The following NMNAT2 variants were observed in gnomAD, a reference collection of about 807,000 sequenced individuals.
NMNAT2 encodes nicotinamide/nicotinic acid mononucleotide adenylyltransferase 2.
NMNAT2 carries 11 observed loss-of-function variants against 41.6 expected under a neutral mutation model. That is an observed-to-expected ratio of 0.26 (90% CI 0.17 to 0.44). The LOEUF (loss-of-function observed/expected upper bound fraction) is 0.44, where lower values mean the gene tolerates loss of function less well. Among genes scored for constraint, NMNAT2 ranks in the 20% least tolerant of loss-of-function variants. The probability of loss-of-function intolerance (pLI) is 1.00; values close to 1 mark genes in which losing one functional copy is unlikely to be tolerated. For missense variants in NMNAT2, 288 were observed against 407.7 expected, an observed-to-expected ratio of 0.71 and a Z score of 2.53; for synonymous variants, 148 against 151.2, an observed-to-expected ratio of 0.98 and a Z score of 0.16.
chr1:183,370,986 C>G (rs1177470583), intron 1 of NMNAT2, among the ~76,000 whole-genome samples: 1 of 152,088 alleles, frequency 6.6e-6, no homozygotes, highest in Non-Finnish European at 1.5e-5. Context: ...GGTGCCTGAC[C>G]ACGGTGCGCC....
intron 1 of NMNAT2, among the ~76,000 whole-genome samples, chr1:183,353,701 A>T (rs2102353983): frequency 6.6e-6 from 1 of 152,296 alleles, no homozygotes; most frequent in South Asian, 2.1e-4. Flanking sequence ...TCAAAGTAGC[A>T]GTTGACTCAC....
At chr1:183,316,716 G>T (rs957054568) in intron 1 of NMNAT2, among the ~76,000 whole-genome samples, 11 of 152,210 alleles carry the variant, frequency 7.2e-5, no homozygotes, top group African/African-American at 2.7e-4. Context: ...CCTTACCAGG[G>T]CTCCTTCTAT....
At chr1:183,381,333 A>G (rs1222241597) in intron 1 of NMNAT2, among the ~76,000 whole-genome samples, 1 of 152,216 alleles carries the variant, frequency 6.6e-6, no homozygotes, top group Non-Finnish European at 1.5e-5. Flanking sequence ...CTCCCTTTCC[A>G]GTCAGTCCCT....
Position 183,418,262 on chromosome 1 carries a change from G to C in NMNAT2, c.6C>G (p.Thr2=), listed in dbSNP as rs763844654. 1.9e-6 allele frequency: 3 copies of C among 1,614,042 alleles called. No homozygotes were observed. The highest frequency in any genetic ancestry group is 2.2e-5 in the East Asian group (1 of 44,876). ...AGATAACGTGGGTCTTGGTGGTCTCGGTCATGGTGCAGATGGGTCCTTCGC... is the reference window on the plus strand; with the variant it reads ...AGATAACGTGGGTCTTGGTGGTCTCCGTCATGGTGCAGATGGGTCCTTCGC... M[T]ETTKTHVILL... Residue 2 remains threonine (T), a synonymous_variant, in exon 1 of 11, where the codon ACC becomes ACG. Transcript: ENST00000287713.
chr1:183,255,443 G>C (rs1660490968), intron 10 of NMNAT2, among the ~76,000 whole-genome samples: 1 of 151,916 alleles, frequency 6.6e-6, no homozygotes, highest in African/African-American at 2.4e-5. Context: ...TTCTATTTCT[G>C]TGAAGTATGA....
At chr1:183,364,419 C>G (rs554395) in intron 1 of NMNAT2, among the ~76,000 whole-genome samples, 82,961 of 151,994 alleles carry the variant, frequency 0.55, 23,226 homozygotes, top group East Asian at 0.7. Flanking sequence ...TATACAATCA[C>G]TAGAAGGGAG....
At chr1:183,399,205 C>T (rs865980671) in intron 1 of NMNAT2, among the ~76,000 whole-genome samples, 4 of 151,864 alleles carry the variant, frequency 2.6e-5, no homozygotes, top group African/African-American at 4.8e-5. Context: ...ATCAAACAGA[C>T]GCAATAAAAA....
intron 8 of NMNAT2, among the ~76,000 whole-genome samples, chr1:183,272,310 T>G (rs16860722): frequency 0.077 from 11,770 of 152,196 alleles, 1,021 homozygotes; most frequent in African/African-American, 0.2. Flanking sequence ...AGAGACTAGT[T>G]CTCCAATAAA....
intron 8 of NMNAT2, among the ~76,000 whole-genome samples, chr1:183,273,572 G>T (rs936148233): frequency 6.6e-6 from 1 of 152,104 alleles, no homozygotes; most frequent in African/African-American, 2.4e-5. Flanking sequence ...CAATAAGCAG[G>T]GCTCATTCTG....
chr1:183,249,485 C>T lies in NMNAT2; in HGVS notation c.*3156G>A, dbSNP rs1660315734. 6.6e-6 allele frequency: 1 copy of T among 152,136 alleles called. No homozygotes were observed. The highest frequency in any genetic ancestry group is 6.5e-5 in the Admixed American group (1 of 15,272). The allele number at this position is 152,136 out of a possible 1,614,324, so 9.4% of individuals were successfully genotyped here. A position where few individuals can be genotyped will look rare whatever the true frequency, so the allele number is the denominator to read the frequency against. On this transcript the variant is annotated 3_prime_UTR_variant, in exon 11 of 11. Coordinates refer to ENST00000287713, the MANE Select transcript of NMNAT2 (RefSeq NM_015039.4). Reference sequence around the variant, plus strand: ...CTCACAACCTCTGAGCCATGCCAGTCTTGGATTGGGCTTTGCAGGAAGGAA... The same window carrying T: ...CTCACAACCTCTGAGCCATGCCAGTTTTGGATTGGGCTTTGCAGGAAGGAA...
At chr1:183,368,463 T>C (rs940168787) in intron 1 of NMNAT2, among the ~76,000 whole-genome samples, 1 of 152,140 alleles carries the variant, frequency 6.6e-6, no homozygotes, top group Non-Finnish European at 1.5e-5. Context: ...CACCACACAA[T>C]AAATGCCATT....
chr1:183,381,572 C>T (rs1201735155), intron 1 of NMNAT2, among the ~76,000 whole-genome samples: 12 of 151,978 alleles, frequency 7.9e-5, no homozygotes, highest in Admixed American at 7.9e-4. Context: ...TGGTGTGCAC[C>T]TGTAATCCCA....
chr1:183,374,769 G>A (rs947247059), intron 1 of NMNAT2, among the ~76,000 whole-genome samples: 3 of 152,146 alleles, frequency 2.0e-5, no homozygotes, highest in Non-Finnish European at 2.9e-5. Flanking sequence ...AAGCCATAAT[G>A]AGAACCATCA....
chr1:183,389,514 G>C (rs1240980484), intron 1 of NMNAT2, among the ~76,000 whole-genome samples: 2 of 151,522 alleles, frequency 1.3e-5, no homozygotes, highest in Non-Finnish European at 2.9e-5. Context: ...AACTTGACAG[G>C]GCTGTTTTGA....
Position 183,366,255 on chromosome 1 carries a change from C to T in NMNAT2, c.85+51928G>A, listed in dbSNP as rs139647771. On this transcript the variant is annotated intron_variant, in intron 1 of 10. Transcript: ENST00000287713. ...CAACTTTGGGCTGTTACAAGCTATA[C>T]ACCTTGGGCAAATCACTTCACCTCT... is the stretch of plus-strand genomic sequence containing the variant. Among the ~76,000 whole-genome samples the T allele has an allele frequency of 5.5e-3, 838 of 152,328 alleles. 7 individuals are homozygous for T. Among genetic ancestry groups the T allele is most frequent in the African/African-American group, 0.019 (804 of 41,570 alleles).
intron 6 of NMNAT2, 86 bp downstream of exon 6, chr1:183,284,624 T>G: frequency 8.7e-7 from 1 of 1,144,038 alleles, no homozygotes; most frequent in Non-Finnish European, 1.3e-6. Flanking sequence ...GTGGGGGGAA[T>G]GTGCTTGAGG....
chr1:183,387,342 G>C (rs1019803916), intron 1 of NMNAT2, among the ~76,000 whole-genome samples: 1 of 151,426 alleles, frequency 6.6e-6, no homozygotes, highest in Non-Finnish European at 1.5e-5. Flanking sequence ...CTAATGGATA[G>C]ATAAGACTAG....
intron 1 of NMNAT2, among the ~76,000 whole-genome samples, chr1:183,367,373 GC>G (rs2102363483): frequency 6.6e-6 from 1 of 152,260 alleles, no homozygotes; most frequent in Admixed American, 6.5e-5. Context: ...CAGGAGAATC[GC>G]TTGAACCCAG....
chr1:183,392,954 T>C (rs985901454), intron 1 of NMNAT2, among the ~76,000 whole-genome samples: 5 of 152,184 alleles, frequency 3.3e-5, no homozygotes, highest in African/African-American at 1.2e-4. Flanking sequence ...ATTTATTTAG[T>C]TGATTGTCTT....
Sources: allele counts gnomAD v4.1 joint callset (sites outside exome capture counted in the v4.1 genomes callset), GRCh38; gene constraint gnomAD v4.1.1; transcripts MANE v1.5; gene names NCBI Gene and HGNC (gene_info 2026-07-23, HGNC 2026-07-21).